Variants in KIAA1217 observed in about 807,000 individuals in gnomAD.
KIAA1217 encodes KIAA1217, also known as sickle tail protein homolog.
KIAA1217 carries 88 observed loss-of-function variants against 163.9 expected under a neutral mutation model. The ratio of observed to expected loss-of-function variants is 0.54; its 90% CI spans 0.45 to 0.64. The LOEUF is 0.64. Ranked by LOEUF, KIAA1217 falls within the 30% of genes least tolerant of loss-of-function variation. The probability of loss-of-function intolerance (pLI) is 0.00; values close to 1 mark genes in which losing one functional copy is unlikely to be tolerated. For missense variants in KIAA1217, 2,372 were observed against 2,475.0 expected (o/e 0.96, Z 0.88); for synonymous variants, 903 against 923.1 (o/e 0.98, Z 0.39).
At chr10:23,817,128 T>G (rs1051077429) in intron 1 of KIAA1217, among the ~76,000 whole-genome samples, 5 of 152,168 alleles carry the variant, frequency 3.3e-5, no homozygotes, top group Non-Finnish European at 7.4e-5. Context: ...TCTAAGAGTA[T>G]TATATAATAT....
chr10:24,251,339 G>T (rs1202958968), intron 2 of KIAA1217, among the ~76,000 whole-genome samples: 1 of 143,312 alleles, frequency 7.0e-6, no homozygotes, highest in Non-Finnish European at 1.5e-5. Flanking sequence ...GATCAAGGCT[G>T]CAGTGAGCTG....
chr10:24,045,979 T>C (rs1328806050), intron 2 of KIAA1217, among the ~76,000 whole-genome samples: 1 of 152,172 alleles, frequency 6.6e-6, no homozygotes, highest in Admixed American at 6.5e-5. Flanking sequence ...TGTGTTGATA[T>C]ATGTCAATAA....
chr10:24,382,331 A>G (rs1357202747), intron 3 of KIAA1217, among the ~76,000 whole-genome samples: 1 of 152,122 alleles, frequency 6.6e-6, no homozygotes. Flanking sequence ...GAGAAGAAAG[A>G]AAAAGATTGA....
intron 1 of KIAA1217, among the ~76,000 whole-genome samples, chr10:23,970,169 T>C (rs1048350115): frequency 6.6e-6 from 1 of 152,218 alleles, no homozygotes; most frequent in African/African-American, 2.4e-5. Context: ...TTTTTTCTTT[T>C]ATCATGTGTG....
chr10:24,309,129 A>G (rs2042335073), intron 2 of KIAA1217, among the ~76,000 whole-genome samples: 2 of 147,828 alleles, frequency 1.4e-5, no homozygotes, highest in Non-Finnish European at 3.0e-5. Flanking sequence ...TCAAAAAAAA[A>G]AAAAAAAAAA....
At chr10:24,386,952 T>C (rs1047518658) in intron 3 of KIAA1217, among the ~76,000 whole-genome samples, 9 of 152,248 alleles carry the variant, frequency 5.9e-5, no homozygotes, top group African/African-American at 2.2e-4. Flanking sequence ...TTATGAAATT[T>C]GTTTTTTCTA....
chr10:23,731,511 T>C (rs928981810), intron 1 of KIAA1217, among the ~76,000 whole-genome samples: 1 of 152,156 alleles, frequency 6.6e-6, no homozygotes, highest in African/African-American at 2.4e-5. Flanking sequence ...ACAGTGTCAG[T>C]TGCTTGGTCC....
intron 2 of KIAA1217, among the ~76,000 whole-genome samples, chr10:24,355,728 CTTTTTTTTTTTTTTTTTTTTTTT>C (rs869211148): frequency 2.8e-4 from 9 of 32,218 alleles, no homozygotes; most frequent in East Asian, 9.8e-4. Flanking sequence ...AGTCCTCACT[CTTTTTTTTTTTTTTTTTTTTTTT>C]TTTTTTTTTT....
intron 2 of KIAA1217, among the ~76,000 whole-genome samples, chr10:24,099,236 C>A (rs1481284582): frequency 6.6e-6 from 1 of 150,454 alleles, no homozygotes; most frequent in Non-Finnish European, 1.5e-5. Context: ...GCACAACGTG[C>A]AGGTTTGTTA....
intron 3 of KIAA1217, among the ~76,000 whole-genome samples, chr10:24,423,038 G>C: frequency 6.6e-6 from 1 of 150,714 alleles, no homozygotes; most frequent in Non-Finnish European, 1.5e-5. Flanking sequence ...CAGAGTAGTT[G>C]GGACTACAGG....
intron 2 of KIAA1217, among the ~76,000 whole-genome samples, chr10:24,289,702 C>G (rs538604313): frequency 6.6e-5 from 10 of 152,200 alleles, no homozygotes; most frequent in African/African-American, 2.4e-4. Context: ...AGGATTGTCA[C>G]TAGGGCCCTG....
At chr10:24,466,769 C>T (rs956852815) in intron 5 of KIAA1217, 3 of 985,288 alleles carry the variant, frequency 3.0e-6, no homozygotes, top group African/African-American at 1.7e-5. Flanking sequence ...GTTAGTTACA[C>T]AGGTGATTTC....
intron 9 of KIAA1217, among the ~76,000 whole-genome samples, chr10:24,506,913 T>C (rs929061977): frequency 6.6e-6 from 1 of 152,202 alleles, no homozygotes; most frequent in African/African-American, 2.4e-5. Flanking sequence ...TTATTAAATA[T>C]TAAGCCAAGC....
chr10:23,748,395 A>G (rs1230082865), intron 1 of KIAA1217, among the ~76,000 whole-genome samples: 8 of 151,172 alleles, frequency 5.3e-5, no homozygotes, highest in Non-Finnish European at 7.4e-5. Flanking sequence ...TTTTCTTAGC[A>G]TCTAGCACAG....
At position 24,544,204 on chromosome 10, in the gene KIAA1217, G is replaced by A. The variant is rs2075433700; in HGVS notation, c.4934G>A (p.Ser1645Asn). 2 of 1,613,954 alleles carry A rather than the reference G, an allele frequency of 1.2e-6. No individual in the cohort carries two copies. Among genetic ancestry groups the A allele is most frequent in the South Asian group, 2.2e-5 (2 of 91,088 alleles). Reference protein sequence around the residue: ...ENTVRRQEQPSIESTSPISRT... With the variant: ...ENTVRRQEQPNIESTSPISRT... ...ACAGTGAGGAGGCAAGAGCAGCCCA[G>A]CATCGAGAGTACATCTCCGATTTCA... Residue 1645 changes from serine to asparagine, a missense_variant, in exon 19 of 21, where the codon AGC (serine) becomes AAC (asparagine). Ser to Asn is a conservative substitution (Grantham distance 46, BLOSUM62 1). Transcript: ENST00000376454.
At chr10:24,080,200 T>C (rs967849397) in intron 2 of KIAA1217, among the ~76,000 whole-genome samples, 1 of 152,222 alleles carries the variant, frequency 6.6e-6, no homozygotes, top group Non-Finnish European at 1.5e-5. Context: ...TCTGGTGATA[T>C]CTTAGCATGG....
chr10:23,830,681 G>A (rs866849156), intron 1 of KIAA1217, among the ~76,000 whole-genome samples: 3 of 151,634 alleles, frequency 2.0e-5, no homozygotes, highest in South Asian at 4.2e-4. Flanking sequence ...TAGGTAGGTA[G>A]GTAGGTAGGT....
intron 2 of KIAA1217, among the ~76,000 whole-genome samples, chr10:24,233,630 T>C (rs2131143675): frequency 6.6e-6 from 1 of 152,320 alleles, no homozygotes; most frequent in South Asian, 2.1e-4. Flanking sequence ...GATCAGAGAG[T>C]GCAATCTCTA....
intron 2 of KIAA1217, among the ~76,000 whole-genome samples, chr10:24,185,313 GT>G (rs1450485885): frequency 6.6e-6 from 1 of 152,174 alleles, no homozygotes; most frequent in African/African-American, 2.4e-5. Flanking sequence ...AGTTTGGTTG[GT>G]TAAGGCTTAA....
Sources: gnomAD v4.1 joint callset for allele counts (sites outside exome capture counted in the v4.1 genomes callset) on GRCh38, gnomAD v4.1.1 for gene constraint, MANE v1.5 for transcripts, NCBI Gene and HGNC (gene_info 2026-07-23, HGNC 2026-07-21) for gene names.